INTS8: variants seen among roughly 807,000 people sequenced by gnomAD.
INTS8 encodes protein kaonashi-1.
In INTS8, 47 loss-of-function variants were observed where a neutral mutation model predicts 138.9. That is an observed-to-expected ratio of 0.34 (90% CI 0.27 to 0.43). The LOEUF (loss-of-function observed/expected upper bound fraction) is 0.43. Among genes scored for constraint, INTS8 ranks in the 20% least tolerant of loss-of-function variants. The pLI is 1.00. For missense variants in INTS8, 996 were observed against 1,173.0 expected, an observed-to-expected ratio of 0.85 and a Z score of 2.20; for synonymous variants, 392 against 400.9, an observed-to-expected ratio of 0.98 and a Z score of 0.27.
chr8:94,842,722 A>G lies in INTS8; in HGVS notation c.1260+234A>G, dbSNP rs989208418. Among the ~76,000 whole-genome samples, 3 of 152,088 alleles carry G rather than the reference A, an allele frequency of 2.0e-5. No individual in the cohort carries two copies. The East Asian group carries it at 5.8e-4, about 29-fold the overall frequency. On this transcript the variant is annotated intron_variant, in intron 10 of 26. Coordinates refer to ENST00000523731, the MANE Select transcript of INTS8 (RefSeq NM_017864.4). ...TTGGATTCTCCTTAGTCCTTCATTG[A>G]CTTCTCTATTGCTCTTCCTTTAGTA... is the stretch of plus-strand genomic sequence containing the variant.
intron 5 of INTS8, 150 bp downstream of exon 5, chr8:94,829,176 C>T: frequency 1.5e-6 from 1 of 652,720 alleles, no homozygotes; most frequent in Non-Finnish European, 2.7e-6. Context: ...AGGATGATTT[C>T]AGGATGATTC....
In INTS8 at chr8:94,841,587, C is replaced by G; in HGVS notation, c.1114C>G (p.Gln372Glu). Reference protein sequence around the residue: ...VLRELFKKAQQGNEALDEICF... With the variant: ...VLRELFKKAQEGNEALDEICF... Reference sequence around the variant, plus strand: ...AAGAGAACTCTTTAAGAAAGCTCAACAGGGGTAAGTAAGTTGAAAAATTAC... The same window carrying G: ...AAGAGAACTCTTTAAGAAAGCTCAAGAGGGGTAAGTAAGTTGAAAAATTAC... Residue 372 changes from glutamine (Q) to glutamate (E), a missense_variant, in exon 9 of 27, where the codon CAG becomes GAG. By Grantham distance (29) the Gln-to-Glu change is conservative (BLOSUM62 2). Coordinates refer to ENST00000523731, the MANE Select transcript of INTS8 (RefSeq NM_017864.4). The G allele has an allele frequency of 1.3e-6, 2 of 1,536,910 alleles. No homozygotes were observed. Among genetic ancestry groups the G allele is most frequent in the Non-Finnish European group, 1.8e-6 (2 of 1,120,886 alleles).
chr8:94,829,446 C>G (rs1277898792), intron 5 of INTS8, among the ~76,000 whole-genome samples: 1 of 151,982 alleles, frequency 6.6e-6, no homozygotes, highest in African/African-American at 2.4e-5. Context: ...ATCTAATGCC[C>G]CCATTGATCT....
In INTS8 at chr8:94,842,475, A is replaced by G; in HGVS notation, c.1247A>G (p.Asp416Gly). 1 of 1,601,806 alleles carries G rather than the reference A, an allele frequency of 6.2e-7. No individual in the cohort carries two copies. ...CTTAGACCAAATAAAGAGAAAATAGACTTTCTTCTTGAGGTATGACATGTT... is the reference window on the plus strand; with the variant it reads ...CTTAGACCAAATAAAGAGAAAATAGGCTTTCTTCTTGAGGTATGACATGTT... ...LFLRPNKEKI[D>G]FLLEVCSRSV... Residue 416 changes from aspartate (D) to glycine (G), a missense_variant, in exon 10 of 27, where the codon GAC becomes GGC. Transcript: ENST00000523731.
intron 9 of INTS8, 71 bp from the exon 10 acceptor site, chr8:94,842,276 A>G: frequency 1.0e-6 from 1 of 996,440 alleles, no homozygotes; most frequent in Non-Finnish European, 1.4e-6. Context: ...TCTTGTGAAT[A>G]TAGTTGTATA....
intron 3 of INTS8, 115 bp from the exon 4 acceptor site, chr8:94,827,607 A>G (rs1024652410): frequency 9.5e-7 from 1 of 1,054,970 alleles, no homozygotes; most frequent in Non-Finnish European, 1.4e-6. Context: ...TGCAGGATTT[A>G]CCATGTGTCA....
rs1387612032 is a variant in INTS8, at chr8:94,881,626, T to C, written c.*1392T>C. On this transcript the variant is annotated 3_prime_UTR_variant, in exon 27 of 27. Transcript: ENST00000523731. ...GAATTCCAACTTGTTTGCTTAGTTA[T>C]CTTCTTTAGTGTTTTCCTGGTGGTT... 8 of 1,611,198 alleles carry C rather than the reference T, an allele frequency of 5.0e-6. No individual in the cohort carries two copies. In the Admixed American group the frequency reaches 5.1e-5, roughly 10 times the overall value.
In INTS8 at chr8:94,827,371, C is replaced by G. The variant is rs760958145; in HGVS notation, c.414C>G (p.Thr138=). Residue 138 remains threonine, a synonymous_variant, in exon 3 of 27, where the codon ACC becomes ACG. Coordinates refer to ENST00000523731, the MANE Select transcript of INTS8 (RefSeq NM_017864.4). The part of the protein sequence containing the change: ...VDMDLATLPP[T]TAMAVLLYNR... ...TGGATCTGGCCACTTTACCTCCGAC[C>G]ACTGCCATGGCTGTACTTCTCTATA... 3.7e-6 allele frequency: 6 copies of G among 1,614,170 alleles called. No individual in the cohort carries two copies. Among genetic ancestry groups the G allele is most frequent in the East Asian group, 2.2e-5 (1 of 44,878 alleles).
intron 10 of INTS8, 136 bp from the exon 11 acceptor site, chr8:94,849,326 A>G: frequency 1.6e-6 from 1 of 617,968 alleles, no homozygotes; most frequent in South Asian, 2.0e-5. Context: ...TCTTCTGTTA[A>G]GTTACTTAAC....
At chr8:94,843,932 A>G (rs575410958) in intron 10 of INTS8, among the ~76,000 whole-genome samples, 238 of 151,058 alleles carry the variant, frequency 1.6e-3, no homozygotes, top group African/African-American at 5.5e-3. Flanking sequence ...TTTCATTTCT[A>G]CAACTCTTCA....
rs1814612010 is a variant in INTS8 at position 94,828,968 on chromosome 8, C to A, written c.519-7C>A. 1.3e-6 allele frequency: 2 copies of A among 1,581,908 alleles called. No individual in the cohort carries two copies. Among genetic ancestry groups the A allele is most frequent in the South Asian group, 1.1e-5 (1 of 88,632 alleles). Reference sequence around the variant, plus strand: ...GATACTTTTGTTTTCAATTGTTTCTCTTTTAGTATGAATCAAATGCAACAG... The same window carrying A: ...GATACTTTTGTTTTCAATTGTTTCTATTTTAGTATGAATCAAATGCAACAG... On this transcript the variant is annotated splice_region_variant and splice_polypyrimidine_tract_variant and intron_variant, in intron 4 of 26. Transcript: ENST00000523731.
intron 16 of INTS8, among the ~76,000 whole-genome samples, chr8:94,861,410 C>CA (rs1815976037): frequency 6.6e-6 from 1 of 151,478 alleles, no homozygotes; most frequent in Non-Finnish European, 1.5e-5. Flanking sequence ...TACAGGCGCC[C>CA]ACTGCCATGC....
At position 94,880,410 on chromosome 8, in the gene INTS8, C is replaced by A; in HGVS notation, c.*176C>A. ...CTATACAGAAGACTTCATACCGTAA[C>A]AATAAATGTATAGTTTCTTCAAAGG... is the stretch of plus-strand genomic sequence containing the variant. On this transcript the variant is annotated 3_prime_UTR_variant, in exon 27 of 27. Coordinates refer to ENST00000523731, the MANE Select transcript of INTS8 (RefSeq NM_017864.4). 1 of 395,290 alleles carries A rather than the reference C, an allele frequency of 2.5e-6. No homozygotes were observed. The highest frequency in any genetic ancestry group is 4.5e-6 in the Non-Finnish European group (1 of 221,642). 24.5% of individuals were successfully genotyped at this position (395,290 alleles called of 1,614,324 possible).
chr8:94,861,044 G>T (rs1426458028), intron 16 of INTS8, among the ~76,000 whole-genome samples: 7 of 137,234 alleles, frequency 5.1e-5, no homozygotes, highest in Non-Finnish European at 1.1e-4. Flanking sequence ...GCGACAGAGT[G>T]AGACTCTGTC....
intron 7 of INTS8, 61 bp from the exon 8 acceptor site, chr8:94,838,402 G>T: frequency 1.5e-6 from 2 of 1,351,818 alleles, no homozygotes; most frequent in Non-Finnish European, 2.1e-6. Context: ...ATGCTAAGGG[G>T]GTGCTAGACT....
At chr8:94,871,454 G>A (rs1816395208) in intron 20 of INTS8, among the ~76,000 whole-genome samples, 1 of 151,886 alleles carries the variant, frequency 6.6e-6, no homozygotes, top group Admixed American at 6.6e-5. Flanking sequence ...CTCCAACCTG[G>A]GCGACAGAGT....
chr8:94,875,516 A>G (rs1302740044), intron 23 of INTS8, among the ~76,000 whole-genome samples: 2 of 152,166 alleles, frequency 1.3e-5, no homozygotes, highest in Non-Finnish European at 2.9e-5. Context: ...GGGGGAAGTA[A>G]TGAAAATGTT....
At chr8:94,826,623 TAA>T (rs1219699232) in intron 2 of INTS8, among the ~76,000 whole-genome samples, 15 of 152,308 alleles carry the variant, frequency 9.8e-5, no homozygotes, top group Admixed American at 2.0e-4. Context: ...GTGATTATGT[TAA>T]GAGTTAATTT....
chr8:94,826,774 T>C (rs1000784926), intron 2 of INTS8, among the ~76,000 whole-genome samples: 13 of 152,222 alleles, frequency 8.5e-5, no homozygotes, highest in Non-Finnish European at 1.6e-4. Context: ...TCTACTTTTA[T>C]GTTTTACGTT....
Sources: gnomAD v4.1 joint callset for allele counts (sites outside exome capture counted in the v4.1 genomes callset) on GRCh38, gnomAD v4.1.1 for gene constraint, MANE v1.5 for transcripts, NCBI Gene and HGNC (gene_info 2026-07-23, HGNC 2026-07-21) for gene names.